CDYL2: variants seen among roughly 807,000 people sequenced by gnomAD.
The protein encoded by CDYL2 is chromodomain Y-like protein 2.
A neutral mutation model predicts 49.4 loss-of-function variants in CDYL2; 23 were observed. The ratio of observed to expected loss-of-function variants is 0.47; its 90% CI spans 0.34 to 0.66. CDYL2 has a LOEUF of 0.66. CDYL2 is among the 30% of genes least tolerant of loss of function. CDYL2 has a pLI of 0.01. For missense variants in CDYL2, 678 were observed against 656.4 expected (o/e 1.03, Z -0.36); for synonymous variants, 360 against 268.8 (o/e 1.34, Z -3.32).
At chr16:80,765,728 C>CAAAA (rs35740729) in intron 1 of CDYL2, among the ~76,000 whole-genome samples, 1 of 55,172 alleles carries the variant, frequency 1.8e-5, no homozygotes, top group African/African-American at 6.7e-5. Flanking sequence ...GTATTAATCG[C>CAAAA]AAAAAAAAAA....
rs562413796 is a variant in CDYL2 at position 80,601,315 on chromosome 16, G to A, written c.*3073C>T. ...ACTGCATGGCTAACAGGATGGGAGGGAGTGGATTGCTAGAAAGGTCCCTGA... is the reference window on the plus strand; with the variant it reads ...ACTGCATGGCTAACAGGATGGGAGGAAGTGGATTGCTAGAAAGGTCCCTGA... On this transcript the variant is annotated 3_prime_UTR_variant, in exon 7 of 7. Transcript: ENST00000570137. The A allele has an allele frequency of 6.6e-6, 1 of 152,244 alleles. No homozygotes were observed. Among genetic ancestry groups the A allele is most frequent in the Non-Finnish European group, 1.5e-5 (1 of 68,094 alleles). 9.4% of individuals were successfully genotyped at this position (152,244 alleles called of 1,614,324 possible).
intron 1 of CDYL2, among the ~76,000 whole-genome samples, chr16:80,764,200 A>G (rs936594249): frequency 1.3e-5 from 2 of 152,360 alleles, no homozygotes; most frequent in Non-Finnish European, 2.9e-5. Flanking sequence ...CCTATATTTC[A>G]GAAACAGCAT....
At chr16:80,780,348 C>A (rs952702069) in intron 1 of CDYL2, among the ~76,000 whole-genome samples, 7 of 150,742 alleles carry the variant, frequency 4.6e-5, no homozygotes, top group African/African-American at 1.7e-4. Flanking sequence ...CCTCCTATAA[C>A]AGGATATGCA....
chr16:80,656,387 C>A (rs1320299676), intron 2 of CDYL2, among the ~76,000 whole-genome samples: 1 of 152,258 alleles, frequency 6.6e-6, no homozygotes, highest in Non-Finnish European at 1.5e-5. Context: ...GGGTGACGTC[C>A]AGTCGGGGGC....
At chr16:80,759,102 C>CTCTATATATATA (rs1906422365) in intron 1 of CDYL2, among the ~76,000 whole-genome samples, 1 of 63,388 alleles carries the variant, frequency 1.6e-5, no homozygotes, top group Non-Finnish European at 2.7e-5. Context: ...AAACCATATA[C>CTCTATATATATA]TATATATATA....
chr16:80,733,514 T>C (rs916781322), intron 1 of CDYL2, among the ~76,000 whole-genome samples: 21 of 152,170 alleles, frequency 1.4e-4, no homozygotes, highest in Admixed American at 4.6e-4. Flanking sequence ...CCTCTCTTTA[T>C]ACGCAGTAGG....
chr16:80,744,777 C>G (rs1567592626), intron 1 of CDYL2, among the ~76,000 whole-genome samples: 3 of 152,156 alleles, frequency 2.0e-5, no homozygotes, highest in Admixed American at 6.5e-5. Context: ...TTCCAGTTGA[C>G]AGAGGAACAG....
chr16:80,676,826 G>C (rs549171227), intron 2 of CDYL2, among the ~76,000 whole-genome samples: 212 of 152,260 alleles, frequency 1.4e-3, no homozygotes, highest in Non-Finnish European at 2.3e-3. Context: ...ATTTGGATAA[G>C]GGAGGGGTTA....
chr16:80,785,986 G>A (rs1258073189), intron 1 of CDYL2, among the ~76,000 whole-genome samples: 1 of 152,148 alleles, frequency 6.6e-6, no homozygotes, highest in South Asian at 2.1e-4. Context: ...AGACTTAAAT[G>A]TAAGACCTAG....
In CDYL2 at chr16:80,684,680, A is replaced by G. The variant is rs768144891; in HGVS notation, c.474T>C (p.Asn158=). Residue 158 remains asparagine (N), a synonymous_variant, in exon 2 of 7, where the codon AAT becomes AAC. Transcript: ENST00000570137. Reference sequence around the variant, plus strand: ...CATCCTTCTCAGAGCCGGCGTCCCCATTTTCCATCCCGTTCTGAGACTTTT... The same window carrying G: ...CATCCTTCTCAGAGCCGGCGTCCCCGTTTTCCATCCCGTTCTGAGACTTTT... ...PLKKSQNGME[N]GDAGSEKDER... 56 of 1,613,462 alleles carry G rather than the reference A, an allele frequency of 3.5e-5. No individual in the cohort carries two copies. Among genetic ancestry groups the G allele is most frequent in the Non-Finnish European group, 3.6e-5 (42 of 1,179,944 alleles).
intron 2 of CDYL2, among the ~76,000 whole-genome samples, chr16:80,665,278 G>T (rs762586675): frequency 6.6e-6 from 1 of 151,948 alleles, no homozygotes; most frequent in Non-Finnish European, 1.5e-5. Context: ...TCCTTGCTTC[G>T]GTGGTATCCA....
chr16:80,695,547 G>C (rs1046681454), intron 1 of CDYL2, among the ~76,000 whole-genome samples: 1 of 152,136 alleles, frequency 6.6e-6, no homozygotes, highest in Admixed American at 6.5e-5. Context: ...TGAAAGTGAA[G>C]GGATGGAAAA....
intron 2 of CDYL2, among the ~76,000 whole-genome samples, chr16:80,670,362 G>A (rs776512863): frequency 7.0e-4 from 107 of 152,072 alleles, no homozygotes; most frequent in Non-Finnish European, 1.3e-3. Context: ...GTTTTATAAG[G>A]GGCTTTCCCC....
Position 80,608,235 on chromosome 16 carries a change from C to T in CDYL2, c.1219G>A (p.Ala407Thr), listed in dbSNP as rs755512414. ...TFPQILGVALANEMLFCGRKL... is the reference protein window; with the variant it reads ...TFPQILGVALTNEMLFCGRKL... The stretch of plus-strand genomic sequence containing the variant: ...CGCCCACAGAACAGCATCTCATTGG[C>T]CTGAAAAAGCAAAAGCAGGCAAAGA... The change falls in exon 6 of 7, where the codon GCC becomes ACC. Residue 407 changes from alanine (A) to threonine (T), a missense_variant and splice_region_variant. This residue lies in a region of CDYL2 where 153 missense variants were observed against 150.6 expected (regional missense o/e 1.02). Coordinates refer to ENST00000570137, the MANE Select transcript of CDYL2 (RefSeq NM_152342.4). 1 of 1,565,490 alleles carries T rather than the reference C, an allele frequency of 6.4e-7. No homozygotes were observed. The highest frequency in any genetic ancestry group is 1.4e-5 in the African/African-American group (1 of 73,946).
At chr16:80,736,957 T>C (rs149173505) in intron 1 of CDYL2, among the ~76,000 whole-genome samples, 2 of 152,212 alleles carry the variant, frequency 1.3e-5, no homozygotes, top group Admixed American at 1.3e-4. Flanking sequence ...GAAATTTATA[T>C]TACATGATGC....
intron 1 of CDYL2, among the ~76,000 whole-genome samples, chr16:80,774,491 T>A (rs946890344): frequency 6.6e-6 from 1 of 152,146 alleles, no homozygotes; most frequent in Non-Finnish European, 1.5e-5. Context: ...CACTGCACTG[T>A]GACCACTGTT....
intron 1 of CDYL2, among the ~76,000 whole-genome samples, chr16:80,784,759 G>C (rs189639810): frequency 8.7e-4 from 132 of 152,244 alleles, no homozygotes; most frequent in South Asian, 1.7e-3. Flanking sequence ...TCCTTAAATA[G>C]CACAGAAACA....
chr16:80,747,232 G>C (rs771414520), intron 1 of CDYL2, among the ~76,000 whole-genome samples: 2 of 152,102 alleles, frequency 1.3e-5, no homozygotes, highest in East Asian at 3.9e-4. Context: ...TTCCTTATTT[G>C]CATGAACCAC....
At chr16:80,722,417 G>A (rs1905027437) in intron 1 of CDYL2, among the ~76,000 whole-genome samples, 1 of 152,110 alleles carries the variant, frequency 6.6e-6, no homozygotes, top group African/African-American at 2.4e-5. Flanking sequence ...GCTGAGTCCT[G>A]AGAATTTACC....
Sources: gnomAD v4.1 joint callset for allele counts (sites outside exome capture counted in the v4.1 genomes callset) on GRCh38, gnomAD v4.1.1 for gene constraint, gnomAD v4.1.1 regional missense constraint, MANE v1.5 for transcripts, NCBI Gene and HGNC (gene_info 2026-07-23, HGNC 2026-07-21) for gene names.